Variants in MYOM1 observed in about 807,000 individuals in gnomAD.
MYOM1 encodes myomesin-1.
A neutral mutation model predicts 205.3 loss-of-function variants in MYOM1; 164 were observed. That is an observed-to-expected ratio of 0.80 (90% CI 0.70 to 0.91). The LOEUF (loss-of-function observed/expected upper bound fraction) is 0.91. Ranked by LOEUF, MYOM1 falls within the 40% of genes least tolerant of loss-of-function variation. The pLI, the probability that MYOM1 is intolerant of heterozygous loss-of-function variation, is 0.00. For missense variants in MYOM1, 2,011 were observed against 2,127.3 expected (o/e 0.95, Z 1.08); for synonymous variants, 772 against 789.4 (o/e 0.98, Z 0.37).
At chr18:3,167,037 C>T (rs527492972) in intron 9 of MYOM1, among the ~76,000 whole-genome samples, 3 of 152,172 alleles carry the variant, frequency 2.0e-5, no homozygotes, top group Admixed American at 6.5e-5. Context: ...TATGTATGTA[C>T]GGGCAAATTC....
At chr18:3,243,306 T>C in the MYOM1 span, among the ~76,000 whole-genome samples, 1 of 152,242 alleles carries the variant, frequency 6.6e-6, no homozygotes, top group African/African-American at 2.4e-5. Context: ...GAATTCCATG[T>C]ATGTAGGCAA....
chr18:3,126,972 C>G, intron 18 of MYOM1, 75 bp from the exon 19 acceptor site: 1 of 1,355,480 alleles, frequency 7.4e-7, no homozygotes, highest in Non-Finnish European at 1.0e-6. Context: ...TCCATGGGTG[C>G]CACATATGAG....
chr18:3,210,730 G>A (rs978335550), intron 2 of MYOM1, among the ~76,000 whole-genome samples: 4 of 152,148 alleles, frequency 2.6e-5, no homozygotes, highest in African/African-American at 7.2e-5. Flanking sequence ...AGGAAAACCC[G>A]GTGGTGTATG....
chr18:3,189,366 T>TTC lies in MYOM1; in HGVS notation c.432-280_432-279insGA, dbSNP rs2080873503. On this transcript the variant is annotated intron_variant, in intron 3 of 37. Coordinates refer to ENST00000356443, the MANE Select transcript of MYOM1 (RefSeq NM_003803.4). This position sits in a 1 kb window ranked among gnomAD's most constrained non-coding sequence, Gnocchi z 4.8. Reference sequence around the variant, plus strand: ...TACAAACCCTATGAGATAAACTTTTTTTTTTTTTTTGATATGGAGTCTCGC... The same window carrying TTC: ...TACAAACCCTATGAGATAAACTTTTTTCTTTTTTTTTTGATATGGAGTCTCGC... Among the ~76,000 whole-genome samples the TTC allele has an allele frequency of 6.6e-6, 1 of 151,828 alleles. No individual in the cohort carries two copies. Among genetic ancestry groups the TTC allele is most frequent in the Non-Finnish European group, 1.5e-5 (1 of 67,936 alleles).
rs1006416601 is a variant in MYOM1, at chr18:3,083,814, C to T, written c.4459G>A (p.Asp1487Asn). Residue 1487 changes from aspartate to asparagine, a missense_variant, in exon 33 of 38, where the codon GAT becomes AAT. By Grantham distance (23) the Asp-to-Asn change is conservative. Transcript: ENST00000356443. ...TTGTGGGACCAGTTAACTTTCAAAT[C>T]CTCCACATAGTAAGTTACAAAAGAG... Reference protein sequence around the residue: ...LYSFVTYYVEDLKVNWSHNGS... With the variant: ...LYSFVTYYVENLKVNWSHNGS... 4 of 1,575,310 alleles carry T rather than the reference C, an allele frequency of 2.5e-6. No homozygotes were observed. In the East Asian group the frequency reaches 6.9e-5, roughly 27 times the overall value.
At chr18:3,175,591 T>C (rs1445225714) in intron 6 of MYOM1, among the ~76,000 whole-genome samples, 1 of 152,158 alleles carries the variant, frequency 6.6e-6, no homozygotes, top group African/African-American at 2.4e-5. Flanking sequence ...GAACATTATC[T>C]CCAAGTTTAG....
intron 21 of MYOM1, 87 bp from the exon 22 acceptor site, chr18:3,112,499 T>A: frequency 1.0e-6 from 1 of 983,916 alleles, no homozygotes; most frequent in Non-Finnish European, 1.5e-6. Flanking sequence ...TCTTCCTCTG[T>A]AGTAATGATT....
chr18:3,089,524 G>T lies in MYOM1; in HGVS notation c.4069+13C>A, dbSNP rs948298. On this transcript the variant is annotated intron_variant, in intron 28 of 37. Transcript: ENST00000356443. Reference sequence around the variant, plus strand: ...AATTAAAAATTTTCTCTTTATCCACGGCCTATTTTTACCTTGTTTCCTGAT... The same window carrying T: ...AATTAAAAATTTTCTCTTTATCCACTGCCTATTTTTACCTTGTTTCCTGAT... 0.8 allele frequency: 1,279,405 copies of T among 1,595,004 alleles called. 514,139 individuals carry two copies. Among genetic ancestry groups the T allele is most frequent in the Admixed American group, 0.9 (52,573 of 58,622 alleles).
At chr18:3,230,483 T>C in the MYOM1 span, among the ~76,000 whole-genome samples, 2 of 152,238 alleles carry the variant, frequency 1.3e-5, no homozygotes, top group African/African-American at 4.8e-5. Context: ...TGGGAGACAA[T>C]CAGGCTGGTT....
intron 2 of MYOM1, among the ~76,000 whole-genome samples, chr18:3,200,707 G>A (rs2081054629): frequency 6.6e-6 from 1 of 151,700 alleles, no homozygotes; most frequent in Non-Finnish European, 1.5e-5. Context: ...AAAGAATAAA[G>A]AAAAATTAAA....
rs559548099 is a variant in MYOM1, at chr18:3,197,160, G to A, written c.291-3202C>T. Among the ~76,000 whole-genome samples, 90 of 146,018 alleles carry A rather than the reference G, an allele frequency of 6.2e-4. 3 individuals are homozygous for A. The South Asian group carries it at 0.018, about 29-fold the overall frequency. ...CCTTTTTTTTTTTTTTTTTTGAGAC[G>A]GAGTCTCACTCTGTCACCCAGGCTG... On this transcript the variant is annotated intron_variant, in intron 2 of 37. Transcript: ENST00000356443.
the MYOM1 span, among the ~76,000 whole-genome samples, chr18:3,231,836 C>G: frequency 7.0e-6 from 1 of 143,774 alleles, no homozygotes; most frequent in Non-Finnish European, 1.5e-5. Context: ...GCCACTGCGC[C>G]CAGCCGCATC....
intron 13 of MYOM1, 27 bp downstream of exon 13, chr18:3,149,118 A>G (rs1424976582): frequency 2.5e-6 from 4 of 1,606,720 alleles, no homozygotes. Context: ...CATCAGCAAT[A>G]GTATCTGGGG....
intron 19 of MYOM1, among the ~76,000 whole-genome samples, 165 bp downstream of exon 19, chr18:3,126,536 G>T (rs547199526): frequency 3.9e-5 from 6 of 152,104 alleles, no homozygotes; most frequent in Admixed American, 2.6e-4. Context: ...CAAACTACTT[G>T]TATTCACCAC....
intron 20 of MYOM1, among the ~76,000 whole-genome samples, chr18:3,117,072 G>C (rs2079617267): frequency 6.6e-6 from 1 of 152,094 alleles, no homozygotes; most frequent in African/African-American, 2.4e-5. Flanking sequence ...GACCAGGCTG[G>C]TCTTGAACTC....
chr18:3,230,636 GCAAT>G, the MYOM1 span, among the ~76,000 whole-genome samples: 1 of 152,274 alleles, frequency 6.6e-6, no homozygotes, highest in African/African-American at 2.4e-5. Flanking sequence ...GCCCTCTCCT[GCAAT>G]CAATCAGACT....
intron 37 of MYOM1, 75 bp from the exon 38 acceptor site, chr18:3,067,630 T>G: frequency 4.0e-6 from 6 of 1,494,372 alleles, no homozygotes; most frequent in Non-Finnish European, 5.4e-6. Context: ...TCTTGCCGGC[T>G]GGTGGCTTGG....
chr18:3,132,462 T>C (rs2079892274), intron 16 of MYOM1, among the ~76,000 whole-genome samples: 1 of 152,136 alleles, frequency 6.6e-6, no homozygotes, highest in African/African-American at 2.4e-5. Context: ...CTCATATATA[T>C]TTTTTAACTT....
In MYOM1 at chr18:3,112,349, C is replaced by T. The variant is rs1451052134; in HGVS notation, c.3367G>A (p.Val1123Ile). 1 of 1,612,798 alleles carries T rather than the reference C, an allele frequency of 6.2e-7. No homozygotes were observed. Among genetic ancestry groups the T allele is most frequent in the Non-Finnish European group, 8.5e-7 (1 of 1,179,096 alleles). ...CCAGCAAGGTCAGATGGCTTCCCAA[C>T]TCCCGCCTGGTTTATGGCTCGAACA... Reference protein sequence around the residue: ...FRVRAINQAGVGKPSDLAGPV... With the variant: ...FRVRAINQAGIGKPSDLAGPV... Residue 1123 changes from valine to isoleucine, a missense_variant, in exon 22 of 38, where the codon GTT becomes ATT. Coordinates refer to ENST00000356443, the MANE Select transcript of MYOM1 (RefSeq NM_003803.4).
Sources: allele counts gnomAD v4.1 joint callset (sites outside exome capture counted in the v4.1 genomes callset), GRCh38; gene constraint gnomAD v4.1.1; non-coding constraint Gnocchi (gnomAD v3.1); transcripts MANE v1.5; gene names NCBI Gene and HGNC (gene_info 2026-07-23, HGNC 2026-07-21).